The following CWC15 variants were observed in gnomAD, a reference collection of about 807,000 sequenced individuals.
CWC15 encodes spliceosome-associated protein CWC15 homolog.
In CWC15, 12 loss-of-function variants were observed where a neutral mutation model predicts 28.4. The observed-to-expected ratio is 0.42, with a 90% CI of 0.27 to 0.69. The LOEUF (loss-of-function observed/expected upper bound fraction) is 0.69, where lower values mean the gene tolerates loss of function less well. Ranked by LOEUF, CWC15 falls within the 30% of genes least tolerant of loss-of-function variation. The probability of loss-of-function intolerance (pLI) is 0.23; values close to 1 mark genes in which losing one functional copy is unlikely to be tolerated. For missense variants in CWC15, 192 were observed against 271.5 expected (o/e 0.71, Z 2.06); for synonymous variants, 92 against 88.4 (o/e 1.04, Z -0.23).
chr11:94,971,525 A>AACACACACAC (rs3831469), intron 2 of CWC15, 38 bp from the exon 3 acceptor site: 8 of 781,214 alleles, frequency 1.0e-5, no homozygotes, highest in Non-Finnish European at 1.5e-5. Flanking sequence ...ATGTTACTTA[A>AACACACACAC]ACACACACAC....
At chr11:94,972,481 C>T (rs1233878371) in intron 1 of CWC15, among the ~76,000 whole-genome samples, 1 of 152,120 alleles carries the variant, frequency 6.6e-6, no homozygotes, top group Non-Finnish European at 1.5e-5. Flanking sequence ...CCTGGCTTAA[C>T]TTTGTCATCT....
intron 2 of CWC15, 50 bp downstream of exon 2, chr11:94,972,005 A>G: frequency 1.3e-6 from 2 of 1,532,142 alleles, no homozygotes; most frequent in South Asian, 2.4e-5. Context: ...CATGCCATTT[A>G]ACAGATCTGG....
intron 4 of CWC15, chr11:94,970,552 G>C (rs1407886478): frequency 1.1e-5 from 2 of 178,594 alleles, no homozygotes; most frequent in Non-Finnish European, 2.4e-5. Flanking sequence ...CCTAAGCACA[G>C]AGGGAACCAT....
At chr11:94,967,378 C>A (rs1353426713) in intron 5 of CWC15, among the ~76,000 whole-genome samples, 1 of 152,154 alleles carries the variant, frequency 6.6e-6, no homozygotes, top group African/African-American at 2.4e-5. Context: ...CACTGTCTTT[C>A]TTCACTTTTA....
intron 6 of CWC15, among the ~76,000 whole-genome samples, chr11:94,964,438 A>G (rs1025920955): frequency 6.6e-6 from 1 of 152,248 alleles, no homozygotes; most frequent in Non-Finnish European, 1.5e-5. Context: ...TGAGCAGATC[A>G]ATATGACTGG....
At chr11:94,970,493 T>C (rs149760548) in intron 4 of CWC15, 1 of 173,530 alleles carries the variant, frequency 5.8e-6, no homozygotes, top group Admixed American at 5.8e-5. Flanking sequence ...ATTTTAACAT[T>C]AACTGATGTG....
chr11:94,965,460 C>A (rs1429569830), intron 6 of CWC15, among the ~76,000 whole-genome samples: 3 of 152,144 alleles, frequency 2.0e-5, no homozygotes, highest in Non-Finnish European at 2.9e-5. Flanking sequence ...ACACACTGTA[C>A]AGAATTTAAA....
intron 5 of CWC15, 73 bp from the exon 6 acceptor site, chr11:94,966,486 T>TA: frequency 7.2e-6 from 6 of 833,198 alleles, no homozygotes; most frequent in South Asian, 4.1e-5. Flanking sequence ...ATTAGCTCAC[T>TA]GAAAAAAAAA....
chr11:94,963,592 TA>T, intron 6 of CWC15, 78 bp from the exon 7 acceptor site: 1 of 1,272,108 alleles, frequency 7.9e-7, no homozygotes, highest in South Asian at 1.8e-5. Context: ...CTGCAAGGCT[TA>T]GTCAGTTACA....
rs1857594200 is a variant in CWC15, at chr11:94,963,355, A to C, written c.*30T>G. The C allele has an allele frequency of 1.3e-6, 2 of 1,507,108 alleles. No individual in the cohort carries two copies. Among genetic ancestry groups the C allele is most frequent in the Admixed American group, 2.2e-5 (1 of 45,086 alleles). The allele number at this position is 1,507,108 out of a possible 1,614,324, so 93.4% of individuals were successfully genotyped here. On this transcript the variant is annotated 3_prime_UTR_variant, in exon 7 of 7. Coordinates refer to ENST00000279839, the MANE Select transcript of CWC15 (RefSeq NM_016403.4). ...AAGTCAGAATGATCCTTTACGTTTT[A>C]CAGTCTTTAATTAAGCACATAAAAC...
chr11:94,969,030 A>G (rs1555095772), intron 5 of CWC15, among the ~76,000 whole-genome samples: 1 of 152,216 alleles, frequency 6.6e-6, no homozygotes, highest in African/African-American at 2.4e-5. Flanking sequence ...TAAATATGGC[A>G]ATTCTTTTGC....
intron 5 of CWC15, among the ~76,000 whole-genome samples, chr11:94,967,051 CT>C (rs55894842): frequency 1.5e-4 from 22 of 142,942 alleles, no homozygotes; most frequent in East Asian, 6.1e-4. Flanking sequence ...CTGAGTTTTT[CT>C]TTTTTTTTTT....
intron 2 of CWC15, 69 bp downstream of exon 2, chr11:94,971,986 T>C: frequency 7.2e-7 from 1 of 1,380,720 alleles, no homozygotes; most frequent in Non-Finnish European, 1.0e-6. Flanking sequence ...CATACTACTA[T>C]ATCATGACCA....
intron 6 of CWC15, among the ~76,000 whole-genome samples, chr11:94,965,904 T>C (rs782043803): frequency 6.6e-6 from 1 of 152,160 alleles, no homozygotes; most frequent in Non-Finnish European, 1.5e-5. Flanking sequence ...ATATTAACTA[T>C]ACACCAAGTC....
chr11:94,970,475 C>A (rs1473085354), intron 4 of CWC15: 2 of 175,506 alleles, frequency 1.1e-5, no homozygotes, highest in Non-Finnish European at 1.2e-5. Flanking sequence ...GCTCTAGGGT[C>A]CCACAGAATT....
chr11:94,965,599 A>G (rs1480856767), intron 6 of CWC15, among the ~76,000 whole-genome samples: 1 of 152,236 alleles, frequency 6.6e-6, no homozygotes, highest in Non-Finnish European at 1.5e-5. Flanking sequence ...TGTGGTTTAC[A>G]CTGAACACCT....
chr11:94,963,322 C>A lies in CWC15; in HGVS notation c.*63G>T. On this transcript the variant is annotated 3_prime_UTR_variant, in exon 7 of 7. Transcript: ENST00000279839. ...GACAGGGGAAAAGAAAAAAAAAACT[C>A]ATAAAAAAAGTCAGAATGATCCTTT... 5 of 1,257,930 alleles carry A rather than the reference C, an allele frequency of 4.0e-6. No individual in the cohort carries two copies. Among genetic ancestry groups the A allele is most frequent in the Non-Finnish European group, 4.2e-6 (4 of 941,944 alleles). The allele number at this position is 1,257,930 out of a possible 1,614,324, so 77.9% of individuals were successfully genotyped here.
At chr11:94,970,729 A>T (rs751136013) in intron 4 of CWC15, 7 of 476,360 alleles carry the variant, frequency 1.5e-5, no homozygotes, top group Admixed American at 3.4e-5. Context: ...TTTGGGGGAA[A>T]GCATATCCTT....
chr11:94,972,670 A>G (rs1446733400), intron 1 of CWC15, among the ~76,000 whole-genome samples: 3 of 152,246 alleles, frequency 2.0e-5, no homozygotes, highest in Non-Finnish European at 2.9e-5. Context: ...ATAGGCTAGT[A>G]GAAACAAAAG....
Sources: allele counts gnomAD v4.1 joint callset (sites outside exome capture counted in the v4.1 genomes callset), GRCh38; gene constraint gnomAD v4.1.1; transcripts MANE v1.5; gene names NCBI Gene and HGNC (gene_info 2026-07-23, HGNC 2026-07-21).